The following DDIAS variants were observed in gnomAD, a reference collection of about 807,000 sequenced individuals.
DDIAS encodes DNA damage-induced apoptosis suppressor protein.
A neutral mutation model predicts 15.7 loss-of-function variants in DDIAS; 14 were observed. That is an observed-to-expected ratio of 0.89 (90% confidence interval 0.59 to 1.39). DDIAS has a LOEUF of 1.39. DDIAS is among the 40% of genes most tolerant of loss of function. The pLI is 0.00. For missense variants in DDIAS, 1,035 were observed against 1,130.9 expected (o/e 0.92, Z 1.22); for synonymous variants, 355 against 395.9 (o/e 0.90, Z 1.23).
intron 5 of DDIAS, among the ~76,000 whole-genome samples, chr11:82,930,670 TC>T (rs1310913570): frequency 4.6e-5 from 7 of 152,094 alleles, no homozygotes; most frequent in African/African-American, 1.7e-4. Context: ...AGGCAAAGTA[TC>T]TTGAGTATTG....
chr11:82,914,578 A>G (rs1479784572), intron 2 of DDIAS, 145 bp from the exon 3 acceptor site: 1 of 501,544 alleles, frequency 2.0e-6, no homozygotes, highest in African/African-American at 2.0e-5. Context: ...TAATTTTCCA[A>G]TACATTGATA....
At chr11:82,923,659 T>TA (rs1860802324) in intron 3 of DDIAS, among the ~76,000 whole-genome samples, 1 of 152,160 alleles carries the variant, frequency 6.6e-6, no homozygotes, top group African/African-American at 2.4e-5. Flanking sequence ...ATTAGAGTAG[T>TA]AATAGTACCT....
Position 82,926,835 on chromosome 11 carries a change from A to G in DDIAS, c.114-1942A>G, listed in dbSNP as rs1179804186. ...GGATTAAAGAAAACTATATAAATAA[A>G]TATCTTCATTATACATATGTACTTT... On this transcript the variant is annotated intron_variant, in intron 3 of 5. Coordinates refer to ENST00000533655, the MANE Select transcript of DDIAS (RefSeq NM_145018.4). Among the ~76,000 whole-genome samples the G allele has an allele frequency of 3.3e-5, 5 of 152,310 alleles. No homozygotes were observed. In the East Asian group the frequency reaches 9.6e-4, roughly 29 times the overall value.
intron 1 of DDIAS, among the ~76,000 whole-genome samples, chr11:82,909,752 C>G (rs1009003236): frequency 6.6e-6 from 1 of 152,138 alleles, no homozygotes; most frequent in African/African-American, 2.4e-5. Context: ...AATACATAAT[C>G]GGCTTTGGCA....
chr11:82,914,888 C>G (rs1860602095), intron 3 of DDIAS, 37 bp downstream of exon 3: 2 of 1,329,544 alleles, frequency 1.5e-6, no homozygotes, highest in African/African-American at 3.0e-5. Flanking sequence ...AGAGGAAATA[C>G]AAATGCACAC....
intron 3 of DDIAS, among the ~76,000 whole-genome samples, chr11:82,923,440 T>C (rs896699094): frequency 3.3e-5 from 5 of 152,240 alleles, no homozygotes; most frequent in Admixed American, 2.0e-4. Context: ...CAGAAGATCT[T>C]AGAGATGCTG....
At chr11:82,914,692 C>G in intron 2 of DDIAS, 31 bp from the exon 3 acceptor site, 1 of 1,145,912 alleles carries the variant, frequency 8.7e-7, no homozygotes, top group South Asian at 1.3e-5. Context: ...AAAGATTTGC[C>G]AGTCATCCCA....
At chr11:82,906,517 AT>A (rs1387005585) in intron 1 of DDIAS, among the ~76,000 whole-genome samples, 11 of 151,886 alleles carry the variant, frequency 7.2e-5, no homozygotes, top group African/African-American at 2.2e-4. Context: ...CCAATTAGCA[AT>A]TTTTTTTAGG....
chr11:82,919,982 C>T (rs1860712647), intron 3 of DDIAS, among the ~76,000 whole-genome samples: 2 of 152,196 alleles, frequency 1.3e-5, no homozygotes, highest in South Asian at 2.1e-4. Context: ...CTCAGCCTCC[C>T]AAAGCGCTGG....
At chr11:82,919,546 G>A (rs886717727) in intron 3 of DDIAS, among the ~76,000 whole-genome samples, 18 of 152,148 alleles carry the variant, frequency 1.2e-4, no homozygotes, top group South Asian at 2.1e-4. Flanking sequence ...CAAGGATATC[G>A]GGCAGTAGTT....
At chr11:82,922,373 A>G (rs1015750020) in intron 3 of DDIAS, among the ~76,000 whole-genome samples, 1 of 152,232 alleles carries the variant, frequency 6.6e-6, no homozygotes, top group Non-Finnish European at 1.5e-5. Context: ...TGTTTAACAT[A>G]ATCCCAGACT....
chr11:82,925,880 C>T (rs146117659), intron 3 of DDIAS, among the ~76,000 whole-genome samples: 6,303 of 151,548 alleles, frequency 0.042, 180 homozygotes, highest in African/African-American at 0.08. Context: ...CCCAGCTAAT[C>T]GGGAGGCTGA....
At position 82,932,409 on chromosome 11, in the gene DDIAS, C is replaced by T. The variant is rs1325192604; in HGVS notation, c.1071C>T (p.His357=). Residue 357 remains histidine, a synonymous_variant, in exon 6 of 6, where the codon CAC becomes CAT. Coordinates refer to ENST00000533655, the MANE Select transcript of DDIAS (RefSeq NM_145018.4). ...AGTCAAGTAATACAAAATCCTTCCA[C>T]AGTGCAGTGGAAATTAAAAATAGGT... ...PLESSNTKSF[H]SAVEIKNRSQ... is the part of the protein sequence containing the mutation. 6.2e-7 allele frequency: 1 copy of T among 1,614,106 alleles called. No homozygotes were observed. The highest frequency in any genetic ancestry group is 8.5e-7 in the Non-Finnish European group (1 of 1,180,006).
chr11:82,934,100 T>A lies in DDIAS; in HGVS notation c.2762T>A (p.Leu921Ter). The A allele has an allele frequency of 6.2e-7, 1 of 1,608,940 alleles. No individual in the cohort carries two copies. Among genetic ancestry groups the A allele is most frequent in the Non-Finnish European group, 8.5e-7 (1 of 1,178,680 alleles). ...AATAAAGGTTTAATTAAGAAGAAAT[T>A]AAAGAATATGCTTGCAGCAGTTGTT... ...GTNKGLIKKK[L>*]KNMLAAVVTK... Residue 921 changes from leucine (L) to a stop codon, truncating the protein, a stop_gained, in exon 6 of 6, where the codon TTA becomes TAA. Transcript: ENST00000533655. LOFTEE classifies it low-confidence loss of function (END_TRUNC).
Position 82,932,224 on chromosome 11 carries a change from T to C in DDIAS, c.886T>C (p.Trp296Arg). ...SSCHDPIQDS[W>R]SLVSYMDKKS... is the part of the protein sequence containing the mutation. ...CTGCCATGATCCCATTCAGGATTCA[T>C]GGAGCCTTGTTTCATATATGGATAA... Residue 296 changes from tryptophan (W) to arginine (R), a missense_variant, in exon 6 of 6, where the codon TGG becomes CGG. By Grantham distance (101) the Trp-to-Arg change is moderately radical (BLOSUM62 -3). Transcript: ENST00000533655. 1 of 1,613,922 alleles carries C rather than the reference T, an allele frequency of 6.2e-7. No homozygotes were observed. The highest frequency in any genetic ancestry group is 1.1e-5 in the South Asian group (1 of 91,008).
chr11:82,921,710 C>T (rs1860758714), intron 3 of DDIAS, among the ~76,000 whole-genome samples: 1 of 151,532 alleles, frequency 6.6e-6, no homozygotes, highest in African/African-American at 2.4e-5. Context: ...TCCCGAGTAG[C>T]TGGGATTACA....
chr11:82,932,923 A>G lies in DDIAS; in HGVS notation c.1585A>G (p.Met529Val), dbSNP rs1861030268. Residue 529 changes from methionine to valine, a missense_variant, in exon 6 of 6, where the codon ATG becomes GTG. Physicochemically the swap from Met to Val is conservative, Grantham distance 21. Transcript: ENST00000533655. ...AVSVNHNGRD[M>V]SEYFLPNPYL... ...CTCTGTAAATCATAATGGAAGAGAT[A>G]TGTCAGAATATTTTTTACCGAATCC... The G allele has an allele frequency of 1.2e-6, 2 of 1,612,004 alleles. No individual in the cohort carries two copies. Among genetic ancestry groups the G allele is most frequent in the Non-Finnish European group, 1.7e-6 (2 of 1,178,856 alleles).
At position 82,931,912 on chromosome 11, in the gene DDIAS, A is replaced by G. The variant is rs757318817; in HGVS notation, c.574A>G (p.Lys192Glu). 8.1e-6 allele frequency: 13 copies of G among 1,614,054 alleles called. No individual in the cohort carries two copies. Among genetic ancestry groups the G allele is most frequent in the Non-Finnish European group, 1.0e-5 (12 of 1,180,038 alleles). ...HQLLQTFNFR[K>E]LQCDSQAPNN... is the part of the protein sequence containing the mutation. ...ACTTTTGCAGACTTTTAATTTCAGGAAACTTCAGTGTGACTCTCAGGCACC... is the reference window on the plus strand; with the variant it reads ...ACTTTTGCAGACTTTTAATTTCAGGGAACTTCAGTGTGACTCTCAGGCACC... Residue 192 changes from lysine to glutamate, a missense_variant, in exon 6 of 6, where the codon AAA (lysine) becomes GAA (glutamate). By Grantham distance (56) the Lys-to-Glu change is moderately conservative. Transcript: ENST00000533655.
At position 82,933,651 on chromosome 11, in the gene DDIAS, T is replaced by A; in HGVS notation, c.2313T>A (p.Cys771Ter). 6.2e-7 allele frequency: 1 copy of A among 1,614,046 alleles called. No homozygotes were observed. The highest frequency in any genetic ancestry group is 8.5e-7 in the Non-Finnish European group (1 of 1,179,968). ...NFENSQDFVP[C>*]SQSTPISGFH... ...AAAATAGTCAAGACTTTGTTCCATGTTCACAGTCAACTCCAATTTCAGGGT... is the reference window on the plus strand; with the variant it reads ...AAAATAGTCAAGACTTTGTTCCATGATCACAGTCAACTCCAATTTCAGGGT... The change falls in exon 6 of 6, where the codon TGT becomes TGA. Residue 771 changes from cysteine to a stop codon, truncating the protein, a stop_gained. Coordinates refer to ENST00000533655, the MANE Select transcript of DDIAS (RefSeq NM_145018.4). LOFTEE classifies it low-confidence loss of function (END_TRUNC).
Sources: gnomAD v4.1 joint callset for allele counts (sites outside exome capture counted in the v4.1 genomes callset) on GRCh38, gnomAD v4.1.1 for gene constraint, MANE v1.5 for transcripts, NCBI Gene and HGNC (gene_info 2026-07-23, HGNC 2026-07-21) for gene names.